Variants in COL6A5 observed in about 807,000 individuals in gnomAD.
COL6A5 encodes the protein collagen type VI alpha 5 chain, also known as collagen alpha-5(VI) chain.
In COL6A5, 48 loss-of-function variants were observed where a neutral mutation model predicts 65.6. The ratio of observed to expected loss-of-function variants is 0.73; its 90% CI spans 0.58 to 0.93. The LOEUF (loss-of-function observed/expected upper bound fraction) is 0.93. Among genes scored for constraint, COL6A5 ranks in the 40% least tolerant of loss-of-function variants. COL6A5 has a pLI of 0.00. For synonymous variants in COL6A5, 291 were observed against 322.8 expected (o/e 0.90, Z 1.05); for missense variants, 914 against 928.3 (o/e 0.98, Z 0.20).
At chr3:130,405,077 T>C (rs1328565463) in intron 13 of COL6A5, among the ~76,000 whole-genome samples, 1 of 152,222 alleles carries the variant, frequency 6.6e-6, no homozygotes, top group Non-Finnish European at 1.5e-5. Flanking sequence ...TAGTCTGACT[T>C]TGGGGGTCTT....
At chr3:130,420,465 T>C (rs1937492976) in intron 25 of COL6A5, among the ~76,000 whole-genome samples, 1 of 152,148 alleles carries the variant, frequency 6.6e-6, no homozygotes, top group Non-Finnish European at 1.5e-5. Context: ...TTTTTCACTG[T>C]GGTAAACAAC....
At position 130,439,548 on chromosome 3, in the gene COL6A5, G is replaced by A. The variant is rs777898583; in HGVS notation, c.516G>A (p.Val172=). 3.3e-4 allele frequency: 516 copies of A among 1,550,928 alleles called. No homozygotes were observed. The highest frequency in any genetic ancestry group is 4.1e-4 in the Non-Finnish European group (468 of 1,146,562). Residue 172 remains valine, a synonymous_variant, in exon 2 of 8, where the codon GTG becomes GTA. Coordinates refer to ENST00000512836, the Ensembl canonical transcript of COL6A5. ...TTGACAACACTGGAACATTTCAGGT[G>A]ATTCCAGTTCCTCCAAATGGGGAAA...
chr3:130,353,273 C>T (rs899633780), intron 1 of COL6A5, among the ~76,000 whole-genome samples: 1 of 152,178 alleles, frequency 6.6e-6, no homozygotes, highest in Non-Finnish European at 1.5e-5. Context: ...CAACTTTACT[C>T]CTCCCACAAA....
intron 4 of COL6A5, among the ~76,000 whole-genome samples, chr3:130,382,252 A>G (rs1346870562): frequency 6.6e-6 from 1 of 152,042 alleles, no homozygotes; most frequent in East Asian, 1.9e-4. Context: ...AACACAAAAA[A>G]ACATAACTAG....
intron 3 of COL6A5, among the ~76,000 whole-genome samples, chr3:130,441,293 G>A (rs1031345237): frequency 2.6e-5 from 4 of 152,250 alleles, no homozygotes; most frequent in Admixed American, 1.3e-4. Context: ...TTCTTACTGA[G>A]GATATCTAGG....
intron 1 of COL6A5, among the ~76,000 whole-genome samples, chr3:130,436,020 A>G (rs9289373): frequency 0.76 from 116,199 of 152,004 alleles, 47,300 homozygotes; most frequent in Non-Finnish European, 0.92. Context: ...TCCTGGATCC[A>G]ATCTCAAGTG....
At chr3:130,366,631 G>A (rs1351422656) in intron 1 of COL6A5, among the ~76,000 whole-genome samples, 1 of 152,206 alleles carries the variant, frequency 6.6e-6, no homozygotes, top group African/African-American at 2.4e-5. Flanking sequence ...AGACTTTAGA[G>A]TATATCAAGG....
At chr3:130,451,182 G>A (rs1274268162) in intron 4 of COL6A5, among the ~76,000 whole-genome samples, 1 of 152,144 alleles carries the variant, frequency 6.6e-6, no homozygotes, top group East Asian at 1.9e-4. Flanking sequence ...CGTTAGGTGG[G>A]TCTAGCGCGA....
intron 1 of COL6A5, among the ~76,000 whole-genome samples, chr3:130,370,489 C>G (rs1235712499): frequency 6.6e-6 from 1 of 152,152 alleles, no homozygotes; most frequent in Non-Finnish European, 1.5e-5. Flanking sequence ...CTGCCCTATT[C>G]TATATCCATC....
At chr3:130,442,790 G>A (rs897701161) in intron 3 of COL6A5, among the ~76,000 whole-genome samples, 9 of 152,152 alleles carry the variant, frequency 5.9e-5, no homozygotes, top group Non-Finnish European at 2.9e-5. Context: ...GGAAAGAAAT[G>A]CTTATCTTAG....
chr3:130,437,642 C>T (rs1709065153), intron 1 of COL6A5, among the ~76,000 whole-genome samples: 1 of 152,090 alleles, frequency 6.6e-6, no homozygotes, highest in Non-Finnish European at 1.5e-5. Flanking sequence ...TCTGATCTCA[C>T]CTTCTCCTTG....
chr3:130,452,971 C>T (rs980070354), intron 4 of COL6A5, among the ~76,000 whole-genome samples: 4 of 152,122 alleles, frequency 2.6e-5, no homozygotes, highest in Non-Finnish European at 4.4e-5. Context: ...AGCTCTGTTC[C>T]GCCCAGCTCA....
At chr3:130,456,890 C>A (rs767624520) in intron 5 of COL6A5, among the ~76,000 whole-genome samples, 1 of 151,904 alleles carries the variant, frequency 6.6e-6, no homozygotes, top group Non-Finnish European at 1.5e-5. Flanking sequence ...AATACTCGAA[C>A]CTTATCTTTA....
chr3:130,468,319 G>A (rs571591084), intron 5 of COL6A5, among the ~76,000 whole-genome samples: 2 of 151,888 alleles, frequency 1.3e-5, no homozygotes, highest in Non-Finnish European at 2.9e-5. Context: ...TCATGACATT[G>A]CTCTATGGTG....
At chr3:130,433,763 G>A (rs1315570436) in intron 1 of COL6A5, among the ~76,000 whole-genome samples, 1 of 152,110 alleles carries the variant, frequency 6.6e-6, no homozygotes, top group Non-Finnish European at 1.5e-5. Context: ...TTTGCCGATT[G>A]GGTAGGTAAA....
At chr3:130,369,148 G>A (rs1935460142) in intron 1 of COL6A5, among the ~76,000 whole-genome samples, 1 of 152,186 alleles carries the variant, frequency 6.6e-6, no homozygotes. Flanking sequence ...AGGGAGAAGG[G>A]AAATAGTGTA....
At chr3:130,401,901 G>A (rs1186151824) in intron 12 of COL6A5, 47 bp downstream of exon 12, 7 of 1,364,098 alleles carry the variant, frequency 5.1e-6, no homozygotes, top group Non-Finnish European at 7.2e-6. Context: ...CCTTGATTTG[G>A]TACAGGTGGG....
intron 28 of COL6A5, 38 bp from the exon 29 acceptor site, chr3:130,423,800 G>A (rs1367438691): frequency 1.4e-6 from 2 of 1,467,382 alleles, no homozygotes; most frequent in Non-Finnish European, 9.3e-7. Flanking sequence ...TAGATAGACA[G>A]TGTTGAAACT....
At chr3:130,440,705 G>T in exon 3 of COL6A5, 1 of 1,613,526 alleles carries the variant, frequency 6.2e-7, no homozygotes, top group African/African-American at 1.3e-5. Context: ...ACGTAAGGAT[G>T]ACATGGAGGA....
Sources: gnomAD v4.1 joint callset for allele counts (sites outside exome capture counted in the v4.1 genomes callset) on GRCh38, gnomAD v4.1.1 for gene constraint, MANE v1.5 for transcripts, NCBI Gene and HGNC (gene_info 2026-07-23, HGNC 2026-07-21) for gene names.